Variants in GSE1 observed in about 807,000 individuals in gnomAD.
The protein encoded by GSE1 is genetic suppressor element 1.
GSE1 carries 32 observed loss-of-function variants against 112.6 expected under a neutral mutation model. The observed-to-expected ratio is 0.28, with a 90% CI of 0.21 to 0.38. The LOEUF is 0.38. GSE1 is among the 10% of genes least tolerant of loss of function. The pLI is 1.00. For missense variants in GSE1, 2,348 were observed against 1,699.2 expected, an observed-to-expected ratio of 1.38 and a Z score of -6.71; for synonymous variants, 1,115 against 735.6, an observed-to-expected ratio of 1.52 and a Z score of -8.35.
At chr16:85,553,449 G>GGCGGCCCCGA (rs2045035648), upstream of GSE1, among the ~76,000 whole-genome samples, 1 of 151,710 alleles carries the variant, frequency 6.6e-6, no homozygotes, top group Admixed American at 6.6e-5. Context: ...GGCGGGCGCG[G>GGCGGCCCCGA]GCGGCCCCGA....
chr16:85,488,667 G>T (rs565996248), intron 2 of GSE1, among the ~76,000 whole-genome samples: 8 of 152,320 alleles, frequency 5.3e-5, no homozygotes, highest in African/African-American at 1.9e-4. Flanking sequence ...AGGTCATGAA[G>T]TTGGACTTGG....
chr16:85,253,058 G>GCACC (rs1906659821), intron 1 of GSE1, among the ~76,000 whole-genome samples: 1 of 47,144 alleles, frequency 2.1e-5, no homozygotes, highest in East Asian at 8.8e-4. Context: ...AGGCGCCCCC[G>GCACC]CCCCCCCCCC....
chr16:85,393,043 C>G (rs1265042700), intron 2 of GSE1, among the ~76,000 whole-genome samples: 1 of 152,218 alleles, frequency 6.6e-6, no homozygotes, highest in East Asian at 1.9e-4. Context: ...GATAGAGGCC[C>G]TGTCAAGGCT....
At chr16:85,327,925 G>A (rs370960801) in intron 1 of GSE1, among the ~76,000 whole-genome samples, 17 of 152,254 alleles carry the variant, frequency 1.1e-4, no homozygotes, top group South Asian at 2.1e-4. Flanking sequence ...GTAGGGGGGC[G>A]GATGGCTCAT....
chr16:85,656,725 C>A lies in GSE1; in HGVS notation c.1312+60C>A. The A allele has an allele frequency of 5.5e-6, 8 of 1,442,384 alleles. 1 individual carries two copies. The South Asian group carries it at 1.0e-4, about 18-fold the overall frequency. The allele number at this position is 1,442,384 out of a possible 1,614,324, so 89.3% of individuals were successfully genotyped here. On this transcript the variant is annotated intron_variant, in intron 7 of 15. Coordinates refer to ENST00000253458, the MANE Select transcript of GSE1 (RefSeq NM_014615.5). ...TCTCAGCCACCCGCGGGGAGGAGCC[C>A]TGAATCGCAGCACCTGCCGGTTGCC...
At chr16:85,522,998 G>T (rs1351683018) in intron 2 of GSE1, among the ~76,000 whole-genome samples, 1 of 152,062 alleles carries the variant, frequency 6.6e-6, no homozygotes, top group Non-Finnish European at 1.5e-5. Flanking sequence ...GTGTATGAAT[G>T]TGACTATGTG....
At chr16:85,177,173 C>T (rs1417403652) in intron 1 of GSE1, among the ~76,000 whole-genome samples, 1 of 152,234 alleles carries the variant, frequency 6.6e-6, no homozygotes, top group Non-Finnish European at 1.5e-5. Context: ...CCCCTGGAAG[C>T]AGGAGGGGGA....
chr16:85,358,924 G>C (rs946470177), intron 2 of GSE1, among the ~76,000 whole-genome samples: 3 of 152,238 alleles, frequency 2.0e-5, no homozygotes, highest in African/African-American at 7.2e-5. Flanking sequence ...GGACAAGTGA[G>C]TTTCCCTGCT....
intron 1 of GSE1, among the ~76,000 whole-genome samples, chr16:85,204,735 G>A (rs990244365): frequency 2.0e-5 from 3 of 152,372 alleles, no homozygotes; most frequent in African/African-American, 4.8e-5. Flanking sequence ...GGGGACTCCT[G>A]TTTCCCCAGC....
At chr16:85,282,153 G>C (rs180846769) in intron 1 of GSE1, among the ~76,000 whole-genome samples, 1 of 151,860 alleles carries the variant, frequency 6.6e-6, no homozygotes, top group East Asian at 1.9e-4. Flanking sequence ...TCAGCCTCTC[G>C]AGTAGCTGGG....
At chr16:85,477,398 T>C (rs7191491) in intron 2 of GSE1, among the ~76,000 whole-genome samples, 68,851 of 151,796 alleles carry the variant, frequency 0.45, 16,334 homozygotes, top group Non-Finnish European at 0.5. Context: ...CTGTGTGTGC[T>C]GCCCACCTAG....
At chr16:85,656,707 C>T (rs1012743179) in intron 7 of GSE1, 42 bp downstream of exon 7, 10 of 1,453,768 alleles carry the variant, frequency 6.9e-6, no homozygotes, top group East Asian at 2.5e-5. Flanking sequence ...AGGTCTCAGC[C>T]ACCCGCGGGG....
chr16:85,411,141 AG>A (rs542683137), intron 2 of GSE1, among the ~76,000 whole-genome samples: 3 of 89,630 alleles, frequency 3.3e-5, no homozygotes, highest in African/African-American at 6.2e-5. Context: ...CGTTACACTC[AG>A]GGCCCCCCTG....
At chr16:85,331,305 A>T (rs1281296772) in intron 1 of GSE1, among the ~76,000 whole-genome samples, 9 of 145,466 alleles carry the variant, frequency 6.2e-5, no homozygotes, top group African/African-American at 2.3e-4. Flanking sequence ...GGCACATGCC[A>T]CCATGCCCAG....
rs148987929 is a variant in GSE1, at chr16:85,297,411, C to T, written c.2284-60052C>T. 1.2e-4 allele frequency among the ~76,000 whole-genome samples: 19 copies of T among 152,338 alleles called. No individual in the cohort carries two copies. The East Asian group carries it at 3.7e-3, about 29-fold the overall frequency. Reference sequence around the variant, plus strand: ...TAAATCCCTTAGACTTTGATCTGAACCCAGATGACGTCTTAGTTTTAGTTT... The same window carrying T: ...TAAATCCCTTAGACTTTGATCTGAATCCAGATGACGTCTTAGTTTTAGTTT... On this transcript the variant is annotated intron_variant, in intron 1 of 2. Transcript: ENST00000637419.
intron 2 of GSE1, among the ~76,000 whole-genome samples, chr16:85,503,998 G>A (rs1355186978): frequency 2.0e-5 from 3 of 152,190 alleles, no homozygotes; most frequent in African/African-American, 4.8e-5. Flanking sequence ...GGTGGTCACC[G>A]GAGCCCGGGC....
At chr16:85,238,498 C>G (rs917910464) in intron 1 of GSE1, among the ~76,000 whole-genome samples, 2 of 152,154 alleles carry the variant, frequency 1.3e-5, no homozygotes, top group Admixed American at 6.5e-5. Flanking sequence ...GAGGGCCGCC[C>G]TGGCCTCGGC....
intron 2 of GSE1, among the ~76,000 whole-genome samples, chr16:85,519,507 CGG>C: frequency 2.6e-4 from 2 of 7,714 alleles, no homozygotes; most frequent in African/African-American, 1.9e-3. Context: ...TCACCATCAC[CGG>C]TCTCCATCAT....
chr16:85,415,770 G>A (rs1213862887), intron 2 of GSE1, among the ~76,000 whole-genome samples: 1 of 152,236 alleles, frequency 6.6e-6, no homozygotes, highest in Non-Finnish European at 1.5e-5. Context: ...TGGCTGCCAA[G>A]CTGGCAGTGA....
Sources: gnomAD v4.1 joint callset for allele counts (sites outside exome capture counted in the v4.1 genomes callset) on GRCh38, gnomAD v4.1.1 for gene constraint, MANE v1.5 for transcripts, NCBI Gene and HGNC (gene_info 2026-07-23, HGNC 2026-07-21) for gene names.